The following CDH12 variants were observed in gnomAD, a reference collection of about 807,000 sequenced individuals.
CDH12 encodes the protein cadherin-12.
CDH12 carries 41 observed loss-of-function variants against 74.1 expected under a neutral mutation model. The observed-to-expected ratio is 0.55, with a 90% CI of 0.43 to 0.72. The LOEUF (loss-of-function observed/expected upper bound fraction) is 0.72. CDH12 is among the 30% of genes least tolerant of loss of function. The pLI, the probability that CDH12 is intolerant of heterozygous loss-of-function variation, is 0.00. For synonymous variants in CDH12, 399 were observed against 355.0 expected (o/e 1.12, Z -1.39); for missense variants, 945 against 977.2 (o/e 0.97, Z 0.44).
chr5:22,425,308 A>G (rs549808920), intron 2 of CDH12, among the ~76,000 whole-genome samples: 159 of 151,120 alleles, frequency 1.1e-3, no homozygotes, highest in African/African-American at 3.7e-3. Flanking sequence ...TGAGTGTGGT[A>G]GTTTACATTT....
chr5:21,759,338 T>C (rs1414533112), intron 13 of CDH12, among the ~76,000 whole-genome samples: 2 of 151,944 alleles, frequency 1.3e-5, no homozygotes, highest in African/African-American at 4.8e-5. Flanking sequence ...AAGAGTTTCA[T>C]TCTTTCCTTC....
chr5:22,027,375 T>C (rs1363332139), intron 5 of CDH12, among the ~76,000 whole-genome samples: 2 of 152,200 alleles, frequency 1.3e-5, no homozygotes, highest in Non-Finnish European at 2.9e-5. Flanking sequence ...ATTGGAATAG[T>C]TTCAGAAGGA....
chr5:22,758,809 A>G (rs969350335), intron 1 of CDH12, among the ~76,000 whole-genome samples: 1 of 152,192 alleles, frequency 6.6e-6, no homozygotes, highest in Non-Finnish European at 1.5e-5. Context: ...TTAAGCTACT[A>G]TGAGAAAAGC....
chr5:22,266,567 A>G (rs566481991), intron 3 of CDH12, among the ~76,000 whole-genome samples: 26 of 152,254 alleles, frequency 1.7e-4, no homozygotes, highest in African/African-American at 6.0e-4. Flanking sequence ...CACTATATAC[A>G]TCCATTTTTA....
At chr5:22,317,199 T>C (rs553528278) in intron 3 of CDH12, among the ~76,000 whole-genome samples, 35 of 152,134 alleles carry the variant, frequency 2.3e-4, no homozygotes, top group African/African-American at 7.7e-4. Context: ...GCGCCTGTAA[T>C]CCTAGCTACT....
At chr5:22,467,208 C>G (rs778610537) in intron 2 of CDH12, among the ~76,000 whole-genome samples, 41 of 152,236 alleles carry the variant, frequency 2.7e-4, no homozygotes, top group Non-Finnish European at 4.4e-4. Flanking sequence ...AGAATTGGAA[C>G]CTTGACAGCC....
chr5:22,735,788 T>G (rs183333725), intron 1 of CDH12, among the ~76,000 whole-genome samples: 47 of 152,018 alleles, frequency 3.1e-4, no homozygotes, highest in Non-Finnish European at 4.6e-4. Context: ...AATGAGTGCT[T>G]ACTCAAAAAA....
At position 22,769,957 on chromosome 5, in the gene CDH12, C is replaced by T. The variant is rs571023610; in HGVS notation, c.-523+83101G>A. Among the ~76,000 whole-genome samples, 22 of 151,994 alleles carry T rather than the reference C, an allele frequency of 1.4e-4. No homozygotes were observed. In the South Asian group the frequency reaches 1.5e-3, roughly 10 times the overall value. ...TCCTTAAATAGACAAGATACACGCA[C>T]GGACACACATATGTACACACAAACA... is the stretch of plus-strand genomic sequence containing the variant. On this transcript the variant is annotated intron_variant, in intron 1 of 14. Coordinates refer to ENST00000382254, the MANE Select transcript of CDH12 (RefSeq NM_004061.5).
chr5:22,351,823 T>C (rs745756124), intron 3 of CDH12, among the ~76,000 whole-genome samples: 46 of 152,204 alleles, frequency 3.0e-4, no homozygotes, highest in Non-Finnish European at 4.4e-4. Flanking sequence ...TTGACATGTG[T>C]AAATCACAAA....
chr5:22,795,407 CAT>C (rs986901005), intron 1 of CDH12, among the ~76,000 whole-genome samples: 4 of 151,976 alleles, frequency 2.6e-5, no homozygotes, highest in Non-Finnish European at 5.9e-5. Flanking sequence ...CTAAACCTGA[CAT>C]AAGGAAGGCA....
chr5:22,556,964 A>G (rs1380818439), intron 1 of CDH12, among the ~76,000 whole-genome samples: 2 of 152,048 alleles, frequency 1.3e-5, no homozygotes, highest in Admixed American at 1.3e-4. Flanking sequence ...TAGCAAACAC[A>G]GATGGCCTGA....
At chr5:22,185,309 C>T (rs1441252999) in intron 4 of CDH12, among the ~76,000 whole-genome samples, 9 of 151,796 alleles carry the variant, frequency 5.9e-5, no homozygotes, top group Non-Finnish European at 1.3e-4. Context: ...AGTGATTCTC[C>T]TGCCTCAGCC....
At chr5:21,933,984 T>A (rs887965677) in intron 6 of CDH12, among the ~76,000 whole-genome samples, 7 of 152,234 alleles carry the variant, frequency 4.6e-5, no homozygotes, top group Non-Finnish European at 8.8e-5. Context: ...CCATAAGATT[T>A]ATTTGACAAA....
intron 4 of CDH12, among the ~76,000 whole-genome samples, chr5:22,160,717 C>T (rs1178024130): frequency 6.6e-6 from 1 of 152,102 alleles, no homozygotes; most frequent in Non-Finnish European, 1.5e-5. Flanking sequence ...GTCCTGTGTT[C>T]TCACATGGTG....
chr5:22,016,981 C>A (rs1737650003), intron 5 of CDH12, among the ~76,000 whole-genome samples: 1 of 152,020 alleles, frequency 6.6e-6, no homozygotes, highest in South Asian at 2.1e-4. Flanking sequence ...AATGCCTCTG[C>A]CCCACTCAAA....
At chr5:22,560,448 C>T (rs1169552022) in intron 1 of CDH12, among the ~76,000 whole-genome samples, 1 of 152,060 alleles carries the variant, frequency 6.6e-6, no homozygotes, top group Non-Finnish European at 1.5e-5. Flanking sequence ...GAGGTGCTTA[C>T]TGTATCTCAG....
chr5:22,503,770 A>G (rs1007924297), intron 2 of CDH12, among the ~76,000 whole-genome samples: 4 of 152,010 alleles, frequency 2.6e-5, no homozygotes, highest in Non-Finnish European at 5.9e-5. Flanking sequence ...GAGGAGTATG[A>G]GTCTCTTCTC....
intron 3 of CDH12, among the ~76,000 whole-genome samples, chr5:22,375,261 AC>A (rs1741471297): frequency 6.6e-6 from 1 of 152,078 alleles, no homozygotes; most frequent in South Asian, 2.1e-4. Context: ...ATGAAAATGG[AC>A]TCCTATCTCT....
rs565798142 is a variant in CDH12 at position 22,227,837 on chromosome 5, G to A, written c.-332-15194C>T. ...AATCCCTTCCTCATTTGGAAACAGA[G>A]TAATTCCAATGTGGCGACATGGCAC... On this transcript the variant is annotated intron_variant, in intron 3 of 14. Transcript: ENST00000382254. 7.2e-5 allele frequency among the ~76,000 whole-genome samples: 11 copies of A among 152,202 alleles called. No individual in the cohort carries two copies. In the East Asian group the frequency reaches 1.9e-3, roughly 27 times the overall value.
Sources: gnomAD v4.1 joint callset for allele counts (sites outside exome capture counted in the v4.1 genomes callset) on GRCh38, gnomAD v4.1.1 for gene constraint, MANE v1.5 for transcripts, NCBI Gene and HGNC (gene_info 2026-07-23, HGNC 2026-07-21) for gene names.